Variants in ACTN1 observed in about 807,000 individuals in gnomAD.
The protein encoded by ACTN1 is actinin alpha 1.
A neutral mutation model predicts 119.6 loss-of-function variants in ACTN1; 30 were observed. The observed-to-expected ratio is 0.25, with a 90% CI of 0.19 to 0.34. The LOEUF is 0.34. Ranked by LOEUF, ACTN1 falls within the 10% of genes least tolerant of loss-of-function variation. ACTN1 has a pLI of 1.00. For synonymous variants in ACTN1, 429 were observed against 472.6 expected, an observed-to-expected ratio of 0.91 and a Z score of 1.20; for missense variants, 764 against 1,223.4, an observed-to-expected ratio of 0.62 and a Z score of 5.60.
At chr14:68,875,047 C>T (rs2140023581) in intron 21 of ACTN1, 30 bp from the exon 22 acceptor site, 1 of 1,608,412 alleles carries the variant, frequency 6.2e-7, no homozygotes, top group South Asian at 1.1e-5. Context: ...AGGAAGGCCG[C>T]AAAGTCCAGC....
chr14:68,949,747 A>G (rs1033793704), intron 1 of ACTN1, among the ~76,000 whole-genome samples: 9 of 152,262 alleles, frequency 5.9e-5, no homozygotes, highest in African/African-American at 2.2e-4. Flanking sequence ...ACATGGTCAT[A>G]CATACAATGG....
intron 11 of ACTN1, among the ~76,000 whole-genome samples, chr14:68,888,832 A>T (rs1339248095): frequency 6.6e-6 from 1 of 152,154 alleles, no homozygotes; most frequent in African/African-American, 2.4e-5. Context: ...TCTGAAGTAG[A>T]ACAGTCATCC....
Position 68,909,482 on chromosome 14 carries a change from A to T in ACTN1, c.516-86T>A, listed in dbSNP as rs1983701. On this transcript the variant is annotated intron_variant, in intron 5 of 21. Transcript: ENST00000394419. This position sits in a 1 kb window ranked among gnomAD's most constrained non-coding sequence, Gnocchi z 4.1. ...AGGGCAAAGCAGGGGCCTCCTAGAC[A>T]CCAGAGAGATGAACACATAGAGCTT... 0.16 allele frequency: 193,768 copies of T among 1,233,926 alleles called. 23,849 individuals carry two copies. Among genetic ancestry groups the T allele is most frequent in the East Asian group, 0.64 (26,467 of 41,046 alleles). The allele number at this position is 1,233,926 out of a possible 1,614,324, so 76.4% of individuals were successfully genotyped here.
At chr14:68,975,772 G>A (rs140213482) in intron 1 of ACTN1, among the ~76,000 whole-genome samples, 12 of 152,312 alleles carry the variant, frequency 7.9e-5, no homozygotes, top group African/African-American at 1.4e-4. Context: ...TTTTGTGTCT[G>A]GAGGCATGGC....
intron 3 of ACTN1, among the ~76,000 whole-genome samples, chr14:68,915,718 G>A (rs1311778467): frequency 1.3e-5 from 2 of 152,200 alleles, no homozygotes; most frequent in South Asian, 4.1e-4. Context: ...GACGAAGTAC[G>A]ACAAACAGAT....
chr14:68,904,610 C>T (rs372464807), intron 7 of ACTN1, 45 bp downstream of exon 7: 10 of 1,573,362 alleles, frequency 6.4e-6, no homozygotes, highest in African/African-American at 1.4e-5. Context: ...CGCTGAGTGG[C>T]AGGTGGGCGA....
At position 68,874,675 on chromosome 14, in the gene ACTN1, C is replaced by CT. The variant is rs1163551201; in HGVS notation, c.*183dup. ...TTGGTTTTTAACGTAACTTTTTTTT[C>CT]TTTTTTGCAGAAAATAATTTTGTAA... On this transcript the variant is annotated 3_prime_UTR_variant, in exon 22 of 22. Transcript: ENST00000394419. The CT allele has an allele frequency of 9.9e-6, 5 of 507,524 alleles. No individual in the cohort carries two copies. The highest frequency in any genetic ancestry group is 1.5e-5 in the Non-Finnish European group (5 of 325,442). 31.4% of individuals were successfully genotyped at this position (507,524 alleles called of 1,614,324 possible).
At chr14:68,887,523 C>T (rs1389300357) in intron 11 of ACTN1, 25 of 1,247,758 alleles carry the variant, frequency 2.0e-5, no homozygotes, top group Middle Eastern at 3.1e-4. Context: ...AGCTGACACC[C>T]GAGACAGTCA....
At chr14:68,933,176 C>G (rs944698131) in intron 1 of ACTN1, among the ~76,000 whole-genome samples, 4 of 152,128 alleles carry the variant, frequency 2.6e-5, no homozygotes, top group Non-Finnish European at 5.9e-5. Context: ...CTCTGTCGCC[C>G]TGGCTGGAGT....
chr14:68,953,635 T>A (rs552635084), intron 1 of ACTN1, among the ~76,000 whole-genome samples: 1 of 151,406 alleles, frequency 6.6e-6, no homozygotes, highest in South Asian at 2.1e-4. Flanking sequence ...TCCCAGCACT[T>A]TGGGAGGCCG....
chr14:68,967,040 A>G (rs1221142074), intron 1 of ACTN1, among the ~76,000 whole-genome samples: 1 of 152,222 alleles, frequency 6.6e-6, no homozygotes, highest in African/African-American at 2.4e-5. Flanking sequence ...CCAGCCTACC[A>G]TTGGACGCAC....
chr14:68,912,005 G>T, intron 4 of ACTN1, 151 bp downstream of exon 4: 1 of 646,782 alleles, frequency 1.5e-6, no homozygotes, highest in East Asian at 2.8e-5. Context: ...ACATTGACTG[G>T]AGGAGAAGGC....
At chr14:68,964,762 C>T (rs2036650347) in intron 1 of ACTN1, among the ~76,000 whole-genome samples, 1 of 152,220 alleles carries the variant, frequency 6.6e-6, no homozygotes, top group South Asian at 2.1e-4. Context: ...GGACTTAGCA[C>T]AGTGCTGGAC....
At chr14:68,950,969 G>A (rs946180065) in intron 1 of ACTN1, among the ~76,000 whole-genome samples, 1 of 152,150 alleles carries the variant, frequency 6.6e-6, no homozygotes, top group Non-Finnish European at 1.5e-5. Context: ...CCAGTTAGAG[G>A]GGGGCAATGT....
At position 68,979,161 on chromosome 14, in the gene ACTN1, TGGCG is replaced by T; in HGVS notation, c.-109_-106del. 23 of 527,190 alleles carry T rather than the reference TGGCG, an allele frequency of 4.4e-5. No individual in the cohort carries two copies. Among genetic ancestry groups the T allele is most frequent in the South Asian group, 1.3e-4 (6 of 45,084 alleles). 32.7% of individuals were successfully genotyped at this position (527,190 alleles called of 1,614,324 possible). On this transcript the variant is annotated 5_prime_UTR_variant, in exon 1 of 22. Transcript: ENST00000394419. ...GGAGTAGGGCTGGGCTGGGCTGGGC[TGGCG>T]GGGCCGGGCTCGCTCCCCTGCGCCC...
chr14:68,965,943 G>A (rs1370350714), intron 1 of ACTN1, among the ~76,000 whole-genome samples: 2 of 152,228 alleles, frequency 1.3e-5, no homozygotes, highest in Non-Finnish European at 2.9e-5. Context: ...ACTCGGATGA[G>A]TATGGTGGTT....
intron 1 of ACTN1, among the ~76,000 whole-genome samples, chr14:68,972,469 T>G (rs1302911692): frequency 6.6e-6 from 1 of 152,198 alleles, no homozygotes; most frequent in Non-Finnish European, 1.5e-5. Context: ...TTCTTTATAT[T>G]AGTTAATAAT....
intron 3 of ACTN1, among the ~76,000 whole-genome samples, chr14:68,918,208 G>GTTCC (rs1475292133): frequency 1.3e-5 from 2 of 152,218 alleles, no homozygotes; most frequent in African/African-American, 4.8e-5. Context: ...TCACGCCAGT[G>GTTCC]TTCCTCTCAC....
chr14:68,963,871 GA>G (rs2036618516), intron 1 of ACTN1, among the ~76,000 whole-genome samples: 1 of 152,114 alleles, frequency 6.6e-6, no homozygotes, highest in African/African-American at 2.4e-5. Flanking sequence ...GGGTATATGG[GA>G]AATCACTATA....
Sources: allele counts gnomAD v4.1 joint callset (sites outside exome capture counted in the v4.1 genomes callset), GRCh38; gene constraint gnomAD v4.1.1; non-coding constraint Gnocchi (gnomAD v3.1); transcripts MANE v1.5; gene names NCBI Gene and HGNC (gene_info 2026-07-23, HGNC 2026-07-21).